The following HTR1F variants were observed in gnomAD, a reference collection of about 807,000 sequenced individuals.
The protein encoded by HTR1F is 5-hydroxytryptamine (serotonin) receptor 1F, G protein-coupled.
HTR1F carries 17 observed loss-of-function variants against 24.0 expected under a neutral mutation model. The ratio of observed to expected loss-of-function variants is 0.71; its 90% CI spans 0.48 to 1.06. The LOEUF (loss-of-function observed/expected upper bound fraction) is 1.06. Ranked by LOEUF, HTR1F falls within the 50% of genes least tolerant of loss-of-function variation. The pLI is 0.00. For missense variants in HTR1F, 391 were observed against 427.8 expected (o/e 0.91, Z 0.76); for synonymous variants, 186 against 156.8 (o/e 1.19, Z -1.39).
chr3:87,935,303 T>C (rs1209822716), intron 2 of HTR1F, among the ~76,000 whole-genome samples: 3 of 152,200 alleles, frequency 2.0e-5, no homozygotes, highest in Non-Finnish European at 4.4e-5. Context: ...ACTCCCATCA[T>C]TGTCTCTCAC....
At chr3:87,866,797 T>A (rs1705436058) in intron 2 of HTR1F, among the ~76,000 whole-genome samples, 1 of 149,356 alleles carries the variant, frequency 6.7e-6, no homozygotes, top group African/African-American at 2.5e-5. Context: ...ATTAGAGGTG[T>A]ACATGGGCAC....
At chr3:87,916,460 C>T (rs763156806) in intron 2 of HTR1F, among the ~76,000 whole-genome samples, 1 of 152,048 alleles carries the variant, frequency 6.6e-6, no homozygotes, top group Non-Finnish European at 1.5e-5. Flanking sequence ...AACTCATCAA[C>T]CAACTGTCTG....
At chr3:87,977,036 TAGG>T (rs1264466147) in intron 2 of HTR1F, among the ~76,000 whole-genome samples, 9 of 152,184 alleles carry the variant, frequency 5.9e-5, no homozygotes, top group Admixed American at 5.9e-4. Context: ...ACTTACATAA[TAGG>T]AGAATATACC....
chr3:87,903,990 G>A (rs1375453118), intron 2 of HTR1F, among the ~76,000 whole-genome samples: 30 of 152,042 alleles, frequency 2.0e-4, no homozygotes, highest in Non-Finnish European at 3.2e-4. Context: ...CTGATGAAAC[G>A]CTTGTATCCA....
At chr3:87,956,583 A>G (rs938682667) in intron 2 of HTR1F, among the ~76,000 whole-genome samples, 3 of 151,382 alleles carry the variant, frequency 2.0e-5, no homozygotes, top group African/African-American at 7.2e-5. Context: ...TAAATTTGGG[A>G]ATAATTAACA....
chr3:87,922,433 G>T (rs1446657565), intron 2 of HTR1F, among the ~76,000 whole-genome samples: 5 of 151,922 alleles, frequency 3.3e-5, no homozygotes, highest in African/African-American at 1.2e-4. Flanking sequence ...CAGATGAATT[G>T]TCTGCAAATA....
intron 2 of HTR1F, among the ~76,000 whole-genome samples, chr3:87,867,463 G>A (rs1329460776): frequency 6.6e-6 from 1 of 151,152 alleles, no homozygotes; most frequent in African/African-American, 2.4e-5. Context: ...ATTTTTATTC[G>A]CTCAAGCATG....
chr3:87,974,589 G>A (rs976196360), intron 2 of HTR1F, among the ~76,000 whole-genome samples: 2 of 152,014 alleles, frequency 1.3e-5, no homozygotes, highest in African/African-American at 4.8e-5. Flanking sequence ...ACCAGAATGC[G>A]TTTATCTCAT....
rs748767043 is a variant in HTR1F, at chr3:87,991,693, T to C, written c.944T>C (p.Val315Ala). The C allele has an allele frequency of 3.7e-6, 6 of 1,613,800 alleles. No individual in the cohort carries two copies. The highest frequency in any genetic ancestry group is 5.1e-6 in the Non-Finnish European group (6 of 1,179,860). Residue 315 changes from valine (V) to alanine (A), a missense_variant, in exon 3 of 3, where the codon GTT becomes GCT. Transcript: ENST00000319595. The stretch of plus-strand genomic sequence containing the variant: ...CTTCCTTTTTTTGTAAAAGAATTAG[T>C]TGTTAATGTCTGTGACAAATGTAAA... ...CWLPFFVKEL[V>A]VNVCDKCKIS...
At chr3:87,973,241 G>A (rs1342054603) in intron 2 of HTR1F, among the ~76,000 whole-genome samples, 2 of 152,084 alleles carry the variant, frequency 1.3e-5, no homozygotes, top group African/African-American at 2.4e-5. Context: ...ATCTTCGGTC[G>A]CTCTCCATTG....
intron 2 of HTR1F, among the ~76,000 whole-genome samples, chr3:87,871,550 T>C (rs975517889): frequency 1.3e-4 from 19 of 151,900 alleles, no homozygotes; most frequent in African/African-American, 4.6e-4. Context: ...ACATCTAAAT[T>C]CAGTAAGCTT....
At chr3:87,854,424 G>C (rs1218764590) in intron 2 of HTR1F, among the ~76,000 whole-genome samples, 1 of 150,726 alleles carries the variant, frequency 6.6e-6, no homozygotes, top group African/African-American at 2.4e-5. Context: ...ATTCCTTTTT[G>C]TCTATCTTTA....
intron 2 of HTR1F, among the ~76,000 whole-genome samples, chr3:87,841,755 C>A (rs1704809018): frequency 6.6e-6 from 1 of 151,412 alleles, no homozygotes; most frequent in Non-Finnish European, 1.5e-5. Flanking sequence ...CAAAAATTAG[C>A]CAGACGTGGT....
At chr3:87,937,507 T>G (rs1704453390) in intron 2 of HTR1F, among the ~76,000 whole-genome samples, 1 of 152,038 alleles carries the variant, frequency 6.6e-6, no homozygotes. Context: ...ACAGCCAACA[T>G]CATACCAAAT....
At chr3:87,950,624 A>G (rs1316867515) in intron 2 of HTR1F, among the ~76,000 whole-genome samples, 2 of 152,178 alleles carry the variant, frequency 1.3e-5, no homozygotes, top group Non-Finnish European at 2.9e-5. Flanking sequence ...CTGAGAATAA[A>G]AAGAATGATT....
intron 2 of HTR1F, among the ~76,000 whole-genome samples, chr3:87,979,110 A>C: frequency 8.9e-5 from 1 of 11,236 alleles, no homozygotes; most frequent in African/African-American, 2.5e-4. Flanking sequence ...GAAGGAAGGG[A>C]GGAAGGAAGG....
At chr3:87,920,641 A>C (rs575217572) in intron 2 of HTR1F, among the ~76,000 whole-genome samples, 1 of 152,006 alleles carries the variant, frequency 6.6e-6, no homozygotes, top group African/African-American at 2.4e-5. Flanking sequence ...ACCAAATATC[A>C]TATGTTCTCA....
rs1027941951 is a variant in HTR1F, at chr3:87,931,290, C to T, written c.-42-59418C>T. 7.9e-5 allele frequency among the ~76,000 whole-genome samples: 12 copies of T among 151,610 alleles called. 1 individual carries two copies. Among genetic ancestry groups the T allele is most frequent in the African/African-American group, 2.7e-4 (11 of 41,252 alleles). Reference sequence around the variant, plus strand: ...TTCAATTCCCATCTATGAGTGAGAACATGCGGTGTTTGGTTTTTTGTCCTT... The same window carrying T: ...TTCAATTCCCATCTATGAGTGAGAATATGCGGTGTTTGGTTTTTTGTCCTT... On this transcript the variant is annotated intron_variant, in intron 2 of 2. Coordinates refer to ENST00000319595, the MANE Select transcript of HTR1F (RefSeq NM_001322209.2).
chr3:87,958,185 A>G (rs1704985104), intron 2 of HTR1F, among the ~76,000 whole-genome samples: 1 of 151,612 alleles, frequency 6.6e-6, no homozygotes, highest in Admixed American at 6.6e-5. Flanking sequence ...ATATTTTGTT[A>G]AATATCTTAT....
Sources: gnomAD v4.1 joint callset for allele counts (sites outside exome capture counted in the v4.1 genomes callset) on GRCh38, gnomAD v4.1.1 for gene constraint, MANE v1.5 for transcripts, NCBI Gene and HGNC (gene_info 2026-07-23, HGNC 2026-07-21) for gene names.